The following TBC1D19 variants were observed in gnomAD, a reference collection of about 807,000 sequenced individuals.
TBC1D19 encodes the protein TBC1 domain family member 19, also known as TBC1 domain family, member 19.
TBC1D19 carries 60 observed loss-of-function variants against 89.0 expected under a neutral mutation model. That is an observed-to-expected ratio of 0.67 (90% CI 0.55 to 0.84). TBC1D19 has a LOEUF of 0.84. Ranked by LOEUF, TBC1D19 falls within the 40% of genes least tolerant of loss-of-function variation. The probability of loss-of-function intolerance (pLI) is 0.00; values close to 1 mark genes in which losing one functional copy is unlikely to be tolerated. For missense variants in TBC1D19, 500 were observed against 610.8 expected, an observed-to-expected ratio of 0.82 and a Z score of 1.91; for synonymous variants, 189 against 199.7, an observed-to-expected ratio of 0.95 and a Z score of 0.45.
intron 4 of TBC1D19, among the ~76,000 whole-genome samples, chr4:26,634,570 T>A (rs1348971757): frequency 1.3e-5 from 2 of 152,176 alleles, no homozygotes; most frequent in African/African-American, 4.8e-5. Flanking sequence ...TTTATGCAGT[T>A]GTGATTTAAT....
intron 4 of TBC1D19, among the ~76,000 whole-genome samples, chr4:26,634,220 A>G (rs974914548): frequency 7.2e-5 from 11 of 152,048 alleles, no homozygotes; most frequent in African/African-American, 1.7e-4. Context: ...GCAGACCTCA[A>G]TCTTCCGTAC....
chr4:26,660,642 T>C (rs1320912768), intron 8 of TBC1D19, among the ~76,000 whole-genome samples: 1 of 152,178 alleles, frequency 6.6e-6, no homozygotes, highest in Admixed American at 6.5e-5. Flanking sequence ...TTCTAGTTCC[T>C]GTATGTAGGA....
chr4:26,680,177 C>A (rs989402738), intron 11 of TBC1D19, among the ~76,000 whole-genome samples: 1 of 152,092 alleles, frequency 6.6e-6, no homozygotes, highest in Admixed American at 6.5e-5. Context: ...GAAGTGTGAA[C>A]CAATTAAACC....
intron 4 of TBC1D19, among the ~76,000 whole-genome samples, chr4:26,627,986 C>T (rs1577831809): frequency 1.3e-5 from 2 of 152,128 alleles, no homozygotes; most frequent in Non-Finnish European, 2.9e-5. Context: ...AATGGTAATG[C>T]CTAGGTTTTC....
chr4:26,656,019 C>A (rs1245013879), intron 7 of TBC1D19, among the ~76,000 whole-genome samples: 1 of 152,130 alleles, frequency 6.6e-6, no homozygotes, highest in South Asian at 2.1e-4. Flanking sequence ...GGCTCCACCC[C>A]CTCCACTAGA....
chr4:26,664,971 C>T (rs1452838767), intron 8 of TBC1D19, among the ~76,000 whole-genome samples: 1 of 152,166 alleles, frequency 6.6e-6, no homozygotes, highest in African/African-American at 2.4e-5. Flanking sequence ...TCCTGGCTCT[C>T]AGTCCTCACT....
chr4:26,798,024 CAAAAAT>C, the TBC1D19 span, among the ~76,000 whole-genome samples: 1 of 152,080 alleles, frequency 6.6e-6, no homozygotes, highest in African/African-American at 2.4e-5. Flanking sequence ...GCAAATGCAA[CAAAAAT>C]AAAAATAGTC....
intron 13 of TBC1D19, among the ~76,000 whole-genome samples, chr4:26,701,051 C>T (rs1331653048): frequency 6.6e-6 from 1 of 152,196 alleles, no homozygotes; most frequent in East Asian, 1.9e-4. Context: ...ATTCCAGCCA[C>T]CCTGATCTTT....
intron 11 of TBC1D19, among the ~76,000 whole-genome samples, chr4:26,677,327 T>TA (rs1378823046): frequency 2.6e-5 from 4 of 151,782 alleles, no homozygotes; most frequent in Non-Finnish European, 5.9e-5. Flanking sequence ...TAAATCCTTT[T>TA]TTTTTTTTTG....
the TBC1D19 span, among the ~76,000 whole-genome samples, chr4:26,795,838 G>C: frequency 6.6e-6 from 1 of 152,128 alleles, no homozygotes; most frequent in African/African-American, 2.4e-5. Context: ...TTAAAATTAA[G>C]TTACAGAAAC....
intron 1 of TBC1D19, among the ~76,000 whole-genome samples, chr4:26,606,899 A>C (rs1013331224): frequency 5.3e-5 from 8 of 152,174 alleles, no homozygotes; most frequent in African/African-American, 1.9e-4. Flanking sequence ...CTTACTTCGC[A>C]GCTTCTTTGG....
the TBC1D19 span, among the ~76,000 whole-genome samples, chr4:26,784,051 C>A: frequency 6.6e-6 from 1 of 152,174 alleles, no homozygotes. Context: ...CTCCTGGAAG[C>A]CCTGTGTACT....
intron 7 of TBC1D19, among the ~76,000 whole-genome samples, chr4:26,659,310 C>G (rs1334334147): frequency 2.0e-5 from 3 of 151,916 alleles, no homozygotes; most frequent in African/African-American, 7.2e-5. Flanking sequence ...TTTATTTTTT[C>G]TAACCACCAA....
intron 15 of TBC1D19, among the ~76,000 whole-genome samples, chr4:26,723,245 CCAGT>C (rs1386220459): frequency 3.3e-5 from 5 of 152,106 alleles, no homozygotes; most frequent in African/African-American, 1.2e-4. Context: ...GAGACAAAGA[CCAGT>C]CAATCTACTC....
At chr4:26,845,596 C>A in the TBC1D19 span, among the ~76,000 whole-genome samples, 6 of 152,152 alleles carry the variant, frequency 3.9e-5, no homozygotes, top group African/African-American at 1.4e-4. Context: ...TTTGACTATT[C>A]TAGGTATCTC....
intron 1 of TBC1D19, among the ~76,000 whole-genome samples, chr4:26,612,077 T>C (rs973261275): frequency 6.6e-6 from 1 of 152,006 alleles, no homozygotes; most frequent in African/African-American, 2.4e-5. Flanking sequence ...GTCAGTTGCT[T>C]TCTTCTGCTT....
chr4:26,702,652 C>G (rs910265340), intron 13 of TBC1D19, among the ~76,000 whole-genome samples: 1 of 152,120 alleles, frequency 6.6e-6, no homozygotes, highest in Non-Finnish European at 1.5e-5. Flanking sequence ...GGTCTCATGA[C>G]TTCTCCTGCT....
intron 9 of TBC1D19, among the ~76,000 whole-genome samples, chr4:26,667,864 G>A (rs1269095757): frequency 3.3e-5 from 5 of 152,034 alleles, no homozygotes; most frequent in African/African-American, 1.2e-4. Flanking sequence ...GAGAGTCGTA[G>A]TTTTGTTGTA....
chr4:26,668,870 G>A (rs1376326616), intron 9 of TBC1D19, among the ~76,000 whole-genome samples: 1 of 151,430 alleles, frequency 6.6e-6, no homozygotes, highest in East Asian at 1.9e-4. Context: ...ATAAAAGTCA[G>A]GAGAAAAAGT....
Sources: gnomAD v4.1 joint callset for allele counts (sites outside exome capture counted in the v4.1 genomes callset) on GRCh38, gnomAD v4.1.1 for gene constraint, MANE v1.5 for transcripts, NCBI Gene and HGNC (gene_info 2026-07-23, HGNC 2026-07-21) for gene names.